NEB: variants seen among roughly 807,000 people sequenced by gnomAD.
NEB encodes nemaline myopathy type 2.
In NEB, 512 loss-of-function variants were observed where a neutral mutation model predicts 952.2. The ratio of observed to expected loss-of-function variants is 0.54; its 90% CI spans 0.50 to 0.58. NEB has a LOEUF of 0.58. NEB is among the 20% of genes least tolerant of loss of function. NEB has a pLI of 0.00. For missense variants in NEB, 8,428 were observed against 9,231.1 expected (o/e 0.91, Z 3.56); for synonymous variants, 2,900 against 3,149.8 (o/e 0.92, Z 2.66).
intron 139 of NEB, 71 bp from the exon 140 acceptor site, chr2:151,538,047 G>T: frequency 6.6e-7 from 1 of 1,515,900 alleles, no homozygotes. Flanking sequence ...TCTTTCTGGA[G>T]AATTTCAGAA....
intron 28 of NEB, among the ~76,000 whole-genome samples, chr2:151,683,710 C>T (rs1021117037): frequency 2.6e-5 from 4 of 152,142 alleles, no homozygotes; most frequent in Admixed American, 6.5e-5. Context: ...TATTCAACTT[C>T]GGGTTTATAC....
intron 135 of NEB, 51 bp downstream of exon 135, chr2:151,545,837 G>T: frequency 8.6e-7 from 1 of 1,160,414 alleles, no homozygotes; most frequent in Non-Finnish European, 1.3e-6. Context: ...GAGTAATTCA[G>T]TTTGTACTGG....
chr2:151,516,598 C>T, intron 156 of NEB, 35 bp from the exon 157 acceptor site: 2 of 1,357,638 alleles, frequency 1.5e-6, no homozygotes, highest in Non-Finnish European at 2.1e-6. Flanking sequence ...TATCTCTCCT[C>T]TGGTCAATTC....
chr2:151,632,995 T>C (rs1214201819), intron 65 of NEB, among the ~76,000 whole-genome samples: 4 of 152,230 alleles, frequency 2.6e-5, no homozygotes, highest in African/African-American at 9.6e-5. Flanking sequence ...TGTAAGTTTT[T>C]AGGAACAACC....
intron 57 of NEB, 109 bp downstream of exon 57, chr2:151,643,709 G>T: frequency 6.7e-7 from 1 of 1,490,030 alleles, no homozygotes; most frequent in Non-Finnish European, 9.0e-7. Context: ...ATGCGCTTGG[G>T]CATTAGTCCA....
chr2:151,494,338 A>G, intron 173 of NEB, 85 bp from the exon 174 acceptor site: 3 of 941,664 alleles, frequency 3.2e-6, no homozygotes, highest in Non-Finnish European at 4.9e-6. Context: ...ATAACTTTTG[A>G]TTATCTTTAG....
Position 151,527,028 on chromosome 2 carries a change from A to T in NEB, c.21841-6T>A, listed in dbSNP as rs767466501. On this transcript the variant is annotated splice_polypyrimidine_tract_variant and splice_region_variant and intron_variant, in intron 147 of 181. Coordinates refer to ENST00000397345, the MANE Select transcript of NEB (RefSeq NM_001164508.2). Reference sequence around the variant, plus strand: ...CGGTCCAGCTTATATTCAAACTGTGATAGAAGAAAGGCAGAAGAAAAGGGA... The same window carrying T: ...CGGTCCAGCTTATATTCAAACTGTGTTAGAAGAAAGGCAGAAGAAAAGGGA... 14 of 1,574,786 alleles carry T rather than the reference A, an allele frequency of 8.9e-6. No homozygotes were observed. In the Admixed American group the frequency reaches 1.8e-4, roughly 20 times the overall value.
At position 151,642,612 on chromosome 2, in the gene NEB, T is replaced by C. The variant is rs114853127; in HGVS notation, c.8335A>G (p.Ile2779Val). ...GYDMRVDAIP[I>V]KAAKASRDIA... ...TCTCTGGAGGCCTTGGCTGCCTTGA[T>C]AGGAATGGCATCTACCCGCATGTCA... is the stretch of plus-strand genomic sequence containing the variant. Residue 2779 changes from isoleucine to valine, a missense_variant, in exon 60 of 182, where the codon ATC becomes GTC. By Grantham distance (29) the Ile-to-Val change is conservative. This residue lies in a region of NEB where 1,772 missense variants were observed against 1,960.3 expected (regional missense o/e 0.90). Transcript: ENST00000397345. The C allele has an allele frequency of 1.5e-3, 2,393 of 1,613,816 alleles. 46 individuals carry two copies. The African/African-American group carries it at 0.03, about 20-fold the overall frequency.
intron 155 of NEB, among the ~76,000 whole-genome samples, chr2:151,518,753 A>T (rs1454409958): frequency 6.6e-6 from 1 of 152,232 alleles, no homozygotes; most frequent in Non-Finnish European, 1.5e-5. Context: ...AATATTTTTT[A>T]AAAAGAAGCA....
rs774018391 is a variant in NEB at position 151,525,965 on chromosome 2, A to T, written c.22154T>A (p.Val7385Asp). ...TVHVKEVTKH[V>D]SDTNYKKKFV... ...CGGTGGTTGATCACTTACATCACTG[A>T]CATGCTTGGTCACTTCCTTGACGTG... Residue 7385 changes from valine (V) to aspartate (D), a missense_variant, in exon 150 of 182, where the codon GTC becomes GAC. Physicochemically the swap from Val to Asp is radical, Grantham distance 152. Around this residue, in one of 11 missense-constraint regions of NEB, gnomAD observed 3,374 missense variants for 3,651.5 expected, o/e 0.92. Transcript: ENST00000397345. 6.2e-7 allele frequency: 1 copy of T among 1,613,408 alleles called. No individual in the cohort carries two copies. The highest frequency in any genetic ancestry group is 8.5e-7 in the Non-Finnish European group (1 of 1,179,330).
intron 124 of NEB, 23 bp downstream of exon 124, chr2:151,560,569 T>C: frequency 6.4e-7 from 1 of 1,556,744 alleles, no homozygotes; most frequent in Non-Finnish European, 8.8e-7. Context: ...GTGGGAAAGC[T>C]GTCATGTTTT....
At chr2:151,550,552 T>C (rs563374542) in intron 129 of NEB, among the ~76,000 whole-genome samples, 6 of 152,318 alleles carry the variant, frequency 3.9e-5, no homozygotes. Flanking sequence ...AGGGAGGACA[T>C]GGAGGAGTGT....
At chr2:151,696,782 T>C (rs765983493) in intron 16 of NEB, 47 bp from the exon 17 acceptor site, 2 of 1,462,078 alleles carry the variant, frequency 1.4e-6, no homozygotes, top group Admixed American at 1.7e-5. Flanking sequence ...ACCTGTCAGA[T>C]CCAAGGTGGC....
At chr2:151,513,053 T>G (rs1320306856) in intron 160 of NEB, among the ~76,000 whole-genome samples, 2 of 152,134 alleles carry the variant, frequency 1.3e-5, no homozygotes, top group African/African-American at 4.8e-5. Flanking sequence ...GAAGATTTAG[T>G]TGGATGCAGG....
At position 151,652,302 on chromosome 2, in the gene NEB, T is replaced by A. The variant is rs183005795; in HGVS notation, c.6916-1417A>T. ...GTGCAGTGGTGCGATCATGGCTCAC[T>A]AAAGCCTCAGCCTTCCAAGCTCAAG... On this transcript the variant is annotated intron_variant, in intron 52 of 181. Transcript: ENST00000397345. Among the ~76,000 whole-genome samples the A allele has an allele frequency of 3.4e-3, 522 of 152,304 alleles. 1 individual carries two copies. Among genetic ancestry groups the A allele is most frequent in the Non-Finnish European group, 5.7e-3 (387 of 68,022 alleles).
At chr2:151,731,359 A>G (rs2099808038) in intron 3 of NEB, among the ~76,000 whole-genome samples, 1 of 152,152 alleles carries the variant, frequency 6.6e-6, no homozygotes, top group Non-Finnish European at 1.5e-5. Flanking sequence ...TTTAAGTTAG[A>G]GTAGAGAGAA....
chr2:151,499,131 T>G (rs904619170), intron 169 of NEB, among the ~76,000 whole-genome samples, 167 bp downstream of exon 169: 1 of 152,138 alleles, frequency 6.6e-6, no homozygotes, highest in African/African-American at 2.4e-5. Flanking sequence ...ATATTAATGT[T>G]TTACCAAAAT....
At chr2:151,687,823 T>G in intron 25 of NEB, 90 bp from the exon 26 acceptor site, 1 of 1,156,338 alleles carries the variant, frequency 8.6e-7, no homozygotes, top group Non-Finnish European at 1.3e-6. Flanking sequence ...TGTGTATGTA[T>G]AGACTTATTT....
chr2:151,697,646 T>C lies in NEB; in HGVS notation c.1155A>G (p.Lys385=), dbSNP rs2099605826. ...LKAAGDALSD[K]LYKENYEKTK... is the part of the protein sequence containing the mutation. ...TCTTTTCATAGTTTTCCTTGTATAG[T>C]TTCTGTCAAAGAAAAAAAATTCAGT... Residue 385 remains lysine, a splice_region_variant and synonymous_variant, in exon 14 of 182, where the codon AAA becomes AAG. Transcript: ENST00000397345. 1 of 1,596,494 alleles carries C rather than the reference T, an allele frequency of 6.3e-7. No individual in the cohort carries two copies. Among genetic ancestry groups the C allele is most frequent in the East Asian group, 2.2e-5 (1 of 44,798 alleles).
Sources: allele counts gnomAD v4.1 joint callset (sites outside exome capture counted in the v4.1 genomes callset), GRCh38; gene constraint gnomAD v4.1.1; regional missense constraint gnomAD v4.1.1; transcripts MANE v1.5; gene names NCBI Gene and HGNC (gene_info 2026-07-23, HGNC 2026-07-21).